Variants in FRMPD4 observed in about 807,000 individuals in gnomAD.
FRMPD4 encodes FERM and PDZ domain-containing protein 4.
Under a neutral mutation model 94.1 loss-of-function variants are expected in FRMPD4, and 22 were observed. The ratio of observed to expected loss-of-function variants is 0.23; its 90% confidence interval spans 0.17 to 0.33. FRMPD4 has a LOEUF of 0.33. Ranked by LOEUF, FRMPD4 falls within the 10% of genes least tolerant of loss-of-function variation. The probability of loss-of-function intolerance (pLI) is 1.00; values close to 1 mark genes in which losing one functional copy is unlikely to be tolerated. For missense variants in FRMPD4, 1,111 were observed against 1,339.9 expected (o/e 0.83, Z 2.67); for synonymous variants, 631 against 548.6 (o/e 1.15, Z -2.10).
Position 11,905,256 on chromosome X carries a change from C to T in FRMPD4, c.95+27238C>T, listed in dbSNP as rs2053961210. Among the ~76,000 whole-genome samples, 3 of 111,498 alleles carry T rather than the reference C, an allele frequency of 2.7e-5. No homozygotes were observed. The South Asian group carries it at 1.1e-3, about 42-fold the overall frequency. On this transcript the variant is annotated intron_variant, in intron 3 of 18. Transcript: ENST00000640291. ...CACTGAACTTTCCCTCTTCTTCCTT[C>T]CCTGAATGTGATTATATGTGATTCC...
intron 2 of FRMPD4, among the ~76,000 whole-genome samples, chrX:12,591,378 C>T (rs544832796): frequency 2.7e-5 from 3 of 111,617 alleles, no homozygotes; most frequent in East Asian, 5.6e-4. Flanking sequence ...AGAAGAGGAG[C>T]GGTTGGCTTT....
At chrX:12,302,468 T>A (rs1172104665) in intron 1 of FRMPD4, among the ~76,000 whole-genome samples, 4 of 112,042 alleles carry the variant, frequency 3.6e-5, no homozygotes, top group Non-Finnish European at 7.5e-5. Flanking sequence ...ATACTCACAA[T>A]CTTAGAGGAA....
chrX:12,467,228 G>A (rs770998719), intron 1 of FRMPD4, among the ~76,000 whole-genome samples: 2 of 109,729 alleles, frequency 1.8e-5, no homozygotes, highest in South Asian at 4.0e-4. Flanking sequence ...ATCTTGGCTG[G>A]TTCAAGGAGC....
At chrX:12,367,038 T>C (rs898223894) in intron 1 of FRMPD4, among the ~76,000 whole-genome samples, 1 of 111,613 alleles carries the variant, frequency 9.0e-6, no homozygotes, top group Non-Finnish European at 1.9e-5. Context: ...GGCCAGCTCC[T>C]TGGGGGCATC....
chrX:12,501,753 G>A (rs1335724675), intron 2 of FRMPD4, among the ~76,000 whole-genome samples: 1 of 111,167 alleles, frequency 9.0e-6, no homozygotes, highest in African/African-American at 3.3e-5. Context: ...GACAGACAAA[G>A]CTATGGGAGG....
At chrX:12,486,469 A>C (rs1252770758) in intron 1 of FRMPD4, among the ~76,000 whole-genome samples, 1 of 112,643 alleles carries the variant, frequency 8.9e-6, no homozygotes, top group Non-Finnish European at 1.9e-5. Flanking sequence ...GCTAGCTGCT[A>C]AAATCTCCTT....
chrX:12,090,810 A>C (rs1041901019), intron 3 of FRMPD4, among the ~76,000 whole-genome samples: 2 of 112,433 alleles, frequency 1.8e-5, no homozygotes, highest in African/African-American at 6.5e-5. Context: ...GGATACTTTA[A>C]ACTCATATTT....
intron 3 of FRMPD4, among the ~76,000 whole-genome samples, chrX:12,127,454 A>G (rs765214717): frequency 1.3e-4 from 15 of 111,678 alleles, no homozygotes; most frequent in African/African-American, 4.6e-4. Flanking sequence ...CTCATTCACT[A>G]TCACAAGAGC....
chrX:12,053,938 C>A (rs185717999), intron 3 of FRMPD4, among the ~76,000 whole-genome samples: 1 of 111,933 alleles, frequency 8.9e-6, no homozygotes, highest in East Asian at 2.8e-4. Context: ...ACAAAGAGTG[C>A]ATGATCTAAT....
chrX:11,898,751 G>A (rs181168666), intron 3 of FRMPD4, among the ~76,000 whole-genome samples: 3 of 112,097 alleles, frequency 2.7e-5, no homozygotes, highest in African/African-American at 6.5e-5. Flanking sequence ...CTAGGTGGAA[G>A]CTCTGGAGGT....
chrX:12,420,703 C>T (rs1013050460), intron 1 of FRMPD4, among the ~76,000 whole-genome samples: 1 of 112,209 alleles, frequency 8.9e-6, no homozygotes, highest in African/African-American at 3.2e-5. Context: ...GTTTAGATTT[C>T]TGACACACAT....
At chrX:12,617,899 AT>A (rs1301362876) in intron 4 of FRMPD4, among the ~76,000 whole-genome samples, 6 of 110,721 alleles carry the variant, frequency 5.4e-5, no homozygotes, top group Admixed American at 9.5e-5. Flanking sequence ...ATGGAAAATT[AT>A]TTTTTTCTTG....
intron 2 of FRMPD4, among the ~76,000 whole-genome samples, chrX:12,509,877 T>C (rs2058025402): frequency 8.9e-6 from 1 of 112,428 alleles, no homozygotes; most frequent in African/African-American, 3.2e-5. Context: ...AATAAAATTA[T>C]CTTTCTGGAA....
At chrX:12,267,357 G>C (rs905992945) in intron 1 of FRMPD4, among the ~76,000 whole-genome samples, 1 of 112,127 alleles carries the variant, frequency 8.9e-6, no homozygotes, top group African/African-American at 3.2e-5. Context: ...TTGATTGACA[G>C]CCAATTTTCC....
At chrX:12,626,434 A>G (rs2059347445) in intron 4 of FRMPD4, among the ~76,000 whole-genome samples, 1 of 107,918 alleles carries the variant, frequency 9.3e-6, no homozygotes. Context: ...GAAACTAGAA[A>G]CACACCATAT....
chrX:12,084,177 T>G (rs868566355), intron 3 of FRMPD4, among the ~76,000 whole-genome samples: 95 of 53,805 alleles, frequency 1.8e-3, no homozygotes, highest in Non-Finnish European at 2.0e-3. Context: ...AGGGACCCAG[T>G]GGGGGGGGGG....
At chrX:12,369,690 A>G (rs1218961572) in intron 1 of FRMPD4, among the ~76,000 whole-genome samples, 2 of 111,995 alleles carry the variant, frequency 1.8e-5, no homozygotes, top group Non-Finnish European at 3.8e-5. Context: ...AAAATGGCAG[A>G]GTCTCATAGT....
At chrX:12,239,516 T>C (rs756300845) in intron 1 of FRMPD4, among the ~76,000 whole-genome samples, 7 of 112,330 alleles carry the variant, frequency 6.2e-5, no homozygotes, top group Non-Finnish European at 1.3e-4. Flanking sequence ...TAAAAATTAT[T>C]TCTTACTCAT....
At chrX:12,340,695 C>T (rs1449457069) in intron 1 of FRMPD4, among the ~76,000 whole-genome samples, 3 of 111,958 alleles carry the variant, frequency 2.7e-5, no homozygotes, top group Admixed American at 9.4e-5. Context: ...AGTCTGTGGA[C>T]CTTCATTTTA....
Sources: allele counts gnomAD v4.1 joint callset (sites outside exome capture counted in the v4.1 genomes callset), GRCh38; gene constraint gnomAD v4.1.1; transcripts MANE v1.5; gene names NCBI Gene and HGNC (gene_info 2026-07-23, HGNC 2026-07-21).